CDH9: variants seen among roughly 807,000 people sequenced by gnomAD.
CDH9 encodes cadherin 9.
In CDH9, 28 loss-of-function variants were observed where a neutral mutation model predicts 70.9. That is an observed-to-expected ratio of 0.40 (90% CI 0.29 to 0.54). The LOEUF (loss-of-function observed/expected upper bound fraction) is 0.54. Ranked by LOEUF, CDH9 falls within the 20% of genes least tolerant of loss-of-function variation. The probability of loss-of-function intolerance (pLI) is 0.59; values close to 1 mark genes in which losing one functional copy is unlikely to be tolerated. For missense variants in CDH9, 874 were observed against 984.4 expected (o/e 0.89, Z 1.50); for synonymous variants, 409 against 343.1 (o/e 1.19, Z -2.12).
chr5:26,885,405 T>C (rs1740546530), intron 11 of CDH9, among the ~76,000 whole-genome samples: 1 of 152,208 alleles, frequency 6.6e-6, no homozygotes, highest in Non-Finnish European at 1.5e-5. Flanking sequence ...ATAGCATTTG[T>C]TAGATGTTTC....
intron 6 of CDH9, 173 bp downstream of exon 6, chr5:26,903,463 TA>T (rs1740891380): frequency 2.9e-6 from 2 of 701,578 alleles, no homozygotes; most frequent in Non-Finnish European, 5.2e-6. Flanking sequence ...AAGTGTCAAT[TA>T]TGAAGACATT....
intron 2 of CDH9, among the ~76,000 whole-genome samples, chr5:26,971,642 T>C (rs1314264467): frequency 6.6e-6 from 1 of 152,216 alleles, no homozygotes; most frequent in East Asian, 1.9e-4. Context: ...CTGTGTGTAC[T>C]GATCTAACAA....
At position 26,902,423 on chromosome 5, in the gene CDH9, T is replaced by C; in HGVS notation, c.1253+53A>G. On this transcript the variant is annotated intron_variant, in intron 7 of 11. Transcript: ENST00000231021. The stretch of plus-strand genomic sequence containing the variant: ...ACCATTTTTTCACACAGTTTGTAAA[T>C]AGTGAGATTATTATATTTCTAAAAA... 2.4e-6 allele frequency: 3 copies of C among 1,233,482 alleles called. No individual in the cohort carries two copies. In the East Asian group the frequency reaches 7.5e-5, roughly 31 times the overall value. The allele number at this position is 1,233,482 out of a possible 1,614,324, so 76.4% of individuals were successfully genotyped here.
chr5:27,037,198 C>A (rs558615678), intron 1 of CDH9, among the ~76,000 whole-genome samples: 1 of 151,978 alleles, frequency 6.6e-6, no homozygotes, highest in Admixed American at 6.6e-5. Context: ...CAAAGGGAGT[C>A]GAAGGAAGAT....
intron 1 of CDH9, among the ~76,000 whole-genome samples, chr5:27,031,774 G>C (rs1469213124): frequency 1.3e-5 from 2 of 151,902 alleles, no homozygotes; most frequent in African/African-American, 4.8e-5. Flanking sequence ...GTGCTACTGA[G>C]TCTGCTATGG....
At chr5:26,912,317 T>C (rs553689235) in intron 3 of CDH9, among the ~76,000 whole-genome samples, 130 of 152,128 alleles carry the variant, frequency 8.5e-4, no homozygotes, top group Non-Finnish European at 1.5e-3. Context: ...TAAATTGGTT[T>C]ATTTGGATAC....
At chr5:27,001,840 A>ACTCTCTCTCTCT (rs1275615228) in intron 1 of CDH9, among the ~76,000 whole-genome samples, 46 of 123,522 alleles carry the variant, frequency 3.7e-4, no homozygotes, top group African/African-American at 1.6e-3. Context: ...ACACACACAC[A>ACTCTCTCTCTCT]CACACTCTCT....
intron 2 of CDH9, 47 bp from the exon 3 acceptor site, chr5:26,915,971 A>G (rs1296655527): frequency 1.5e-6 from 2 of 1,291,808 alleles, no homozygotes; most frequent in Non-Finnish European, 2.2e-6. Flanking sequence ...ATACATTATC[A>G]TTACATAAAA....
chr5:26,926,554 C>G (rs1296744323), intron 2 of CDH9, among the ~76,000 whole-genome samples: 2 of 151,858 alleles, frequency 1.3e-5, no homozygotes, highest in Non-Finnish European at 2.9e-5. Flanking sequence ...CCCCATCAAG[C>G]TACCAATGAC....
At chr5:26,906,581 C>A (rs1740952554) in intron 4 of CDH9, 138 bp downstream of exon 4, 2 of 1,285,488 alleles carry the variant, frequency 1.6e-6, no homozygotes, top group Middle Eastern at 2.8e-4. Context: ...CATTTGTTTA[C>A]ATCCAATAAT....
At position 26,954,388 on chromosome 5, in the gene CDH9, C is replaced by CTTTTTTTTTTTTTTTTTTTTTT. The variant is rs59882843; in HGVS notation, c.228+33717_228+33718insAAAAAAAAAAAAAAAAAAAAAA. 3.3e-4 allele frequency among the ~76,000 whole-genome samples: 31 copies of CTTTTTTTTTTTTTTTTTTTTTT among 93,054 alleles called. 6 individuals carry two copies. Among genetic ancestry groups the CTTTTTTTTTTTTTTTTTTTTTT allele is most frequent in the African/African-American group, 1.3e-3 (27 of 21,268 alleles). The allele number at this position is 93,054 out of a possible 152,430, so 61.0% of individuals were successfully genotyped here. A position where few individuals can be genotyped will look rare whatever the true frequency, so the allele number is the denominator to read the frequency against. On this transcript the variant is annotated intron_variant, in intron 2 of 11. Transcript: ENST00000231021. ...AGCTTTTCGCTATTATACAGCCTTT[C>CTTTTTTTTTTTTTTTTTTTTTT]TTTTTTTTTTTTTTGAGACATAGTC...
intron 2 of CDH9, among the ~76,000 whole-genome samples, chr5:26,937,663 A>C (rs10473822): frequency 0.76 from 115,674 of 151,968 alleles, 45,927 homozygotes; most frequent in Non-Finnish European, 0.88. Flanking sequence ...CTGTCAATCT[A>C]CAAAAATATA....
chr5:26,921,751 C>A (rs1351431622), intron 2 of CDH9, among the ~76,000 whole-genome samples: 2 of 152,056 alleles, frequency 1.3e-5, no homozygotes, highest in Non-Finnish European at 2.9e-5. Flanking sequence ...GGTCTCTTTG[C>A]CGAATTCCTT....
rs1740449054 is a variant in CDH9, at chr5:26,880,964, C to T, written c.*172G>A. ...TACTTTTTTAAAAATCTGTATCATT[C>T]GTATTCATTCACAAAGACTTACTGA... On this transcript the variant is annotated 3_prime_UTR_variant, in exon 12 of 12. Coordinates refer to ENST00000231021, the MANE Select transcript of CDH9 (RefSeq NM_016279.4). 1.9e-6 allele frequency: 1 copy of T among 530,948 alleles called. No individual in the cohort carries two copies. Among genetic ancestry groups the T allele is most frequent in the East Asian group, 3.0e-5 (1 of 32,888 alleles). The allele number at this position is 530,948 out of a possible 1,614,324, so 32.9% of individuals were successfully genotyped here.
In CDH9 at chr5:26,890,438, G is replaced by A; in HGVS notation, c.1380C>T (p.Ala460=). ...SSPWHNITVT[A]TEINNPKQSS... is the part of the protein sequence containing the mutation. Reference sequence around the variant, plus strand: ...GTAGCTCCAACTTACTTATTTCTGTGGCTGTAACAGTGATGTTATGCCAAG... The same window carrying A: ...GTAGCTCCAACTTACTTATTTCTGTAGCTGTAACAGTGATGTTATGCCAAG... Residue 460 remains alanine (A), a synonymous_variant, in exon 8 of 12, where the codon GCC becomes GCT. Coordinates refer to ENST00000231021, the MANE Select transcript of CDH9 (RefSeq NM_016279.4). The A allele has an allele frequency of 6.2e-7, 1 of 1,613,486 alleles. No homozygotes were observed. Among genetic ancestry groups the A allele is most frequent in the Non-Finnish European group, 8.5e-7 (1 of 1,179,510 alleles).
chr5:27,033,580 T>C (rs993413664), intron 1 of CDH9, among the ~76,000 whole-genome samples: 8 of 151,546 alleles, frequency 5.3e-5, no homozygotes. Flanking sequence ...TAAGTTTTCC[T>C]TAACAGGAAA....
At chr5:26,968,047 A>T (rs146027797) in intron 2 of CDH9, among the ~76,000 whole-genome samples, 1 of 152,104 alleles carries the variant, frequency 6.6e-6, no homozygotes, top group Non-Finnish European at 1.5e-5. Flanking sequence ...TTGCATCATC[A>T]TTTATTAAAA....
Position 27,027,008 on chromosome 5 carries a change from C to T in CDH9, c.-50+11455G>A, listed in dbSNP as rs961488196. Among the ~76,000 whole-genome samples the T allele has an allele frequency of 5.9e-5, 9 of 151,654 alleles. No individual in the cohort carries two copies. In the Admixed American group the frequency reaches 5.9e-4, roughly 10 times the overall value. On this transcript the variant is annotated intron_variant, in intron 1 of 11. Coordinates refer to ENST00000231021, the MANE Select transcript of CDH9 (RefSeq NM_016279.4). ...CAATTCAAGACTAAAAGGGGGAAGTCGTAAATAGATTAAAAAACCAAACTC... is the reference window on the plus strand; with the variant it reads ...CAATTCAAGACTAAAAGGGGGAAGTTGTAAATAGATTAAAAAACCAAACTC...
In CDH9 at chr5:26,881,170, T is replaced by C. The variant is rs939956794; in HGVS notation, c.2336A>G (p.Asp779Gly). 2 of 1,612,750 alleles carry C rather than the reference T, an allele frequency of 1.2e-6. No homozygotes were observed. The highest frequency in any genetic ancestry group is 1.7e-6 in the Non-Finnish European group (2 of 1,179,282). The stretch of plus-strand genomic sequence containing the variant: ...GTCACTATCATCACCCCCATACATA[T>C]CGGCAAGTTTTTTGAAACGAGGCCC... ...DWGPRFKKLA[D>G]MYGGDDSDRD Residue 779 changes from aspartate (D) to glycine (G), a missense_variant, in exon 12 of 12, where the codon GAT becomes GGT. Physicochemically the swap from Asp to Gly is moderately conservative, Grantham distance 94. Coordinates refer to ENST00000231021, the MANE Select transcript of CDH9 (RefSeq NM_016279.4).
Sources: allele counts gnomAD v4.1 joint callset (sites outside exome capture counted in the v4.1 genomes callset), GRCh38; gene constraint gnomAD v4.1.1; transcripts MANE v1.5; gene names NCBI Gene and HGNC (gene_info 2026-07-23, HGNC 2026-07-21).